The following BDNF variants were observed in gnomAD, a reference collection of about 807,000 sequenced individuals.
The protein encoded by BDNF is brain derived neurotrophic factor.
A neutral mutation model predicts 19.5 loss-of-function variants in BDNF; 1 was observed. That is an observed-to-expected ratio of 0.05 (90% CI 0.02 to 0.24). The LOEUF (loss-of-function observed/expected upper bound fraction) is 0.24. BDNF is among the 10% of genes least tolerant of loss of function. BDNF has a pLI of 1.00. For synonymous variants in BDNF, 100 were observed against 121.6 expected (o/e 0.82, Z 1.17); for missense variants, 195 against 317.6 (o/e 0.61, Z 2.93).
At chr11:27,701,657 G>T (rs1859903450), upstream of BDNF, 3 of 981,304 alleles carry the variant, frequency 3.1e-6, no homozygotes, top group South Asian at 4.7e-5. Flanking sequence ...AGGGCTCCAC[G>T]GTGCCTTGAC....
At chr11:27,683,305 A>C (rs1014959224) in intron 1 of BDNF, among the ~76,000 whole-genome samples, 2 of 152,096 alleles carry the variant, frequency 1.3e-5, no homozygotes, top group Admixed American at 1.3e-4. Flanking sequence ...TCTGGATATT[A>C]GCCTTTTGTC....
chr11:27,706,135 C>T (rs1308594535), intron 1 of BDNF, among the ~76,000 whole-genome samples: 2 of 152,058 alleles, frequency 1.3e-5, no homozygotes, highest in South Asian at 4.2e-4. Context: ...GGGCCCACCA[C>T]GGTTAATCAG....
At chr11:27,720,925 A>T in intron 1 of BDNF, 1 of 346,046 alleles carries the variant, frequency 2.9e-6, no homozygotes, top group Non-Finnish European at 4.2e-6. Context: ...TGCACTTCTG[A>T]CTTATTTCTC....
intron 1 of BDNF, chr11:27,659,629 C>A: frequency 2.0e-6 from 2 of 982,180 alleles, no homozygotes; most frequent in Non-Finnish European, 2.5e-6. Flanking sequence ...GATGTTCTCT[C>A]TGTGTGTGTG....
At chr11:27,699,853 G>A (rs944620992) in intron 1 of BDNF, among the ~76,000 whole-genome samples, 1 of 152,174 alleles carries the variant, frequency 6.6e-6, no homozygotes, top group African/African-American at 2.4e-5. Context: ...GGCTGGGGGA[G>A]GGCTGCGAGG....
intron 1 of BDNF, among the ~76,000 whole-genome samples, chr11:27,669,135 A>G (rs1854888655): frequency 6.6e-6 from 1 of 152,244 alleles, no homozygotes; most frequent in East Asian, 1.9e-4. Flanking sequence ...AATCCATCAT[A>G]TAAACAGAAT....
At chr11:27,704,469 A>G (rs1860031878), upstream of BDNF, among the ~76,000 whole-genome samples, 1 of 152,168 alleles carries the variant, frequency 6.6e-6, no homozygotes, top group African/African-American at 2.4e-5. Flanking sequence ...GCTGAGGTCA[A>G]TTCTATCACT....
At chr11:27,679,892 A>G (rs1011615131) in intron 1 of BDNF, among the ~76,000 whole-genome samples, 1 of 152,222 alleles carries the variant, frequency 6.6e-6, no homozygotes, top group African/African-American at 2.4e-5. Context: ...ACTCAGCTGT[A>G]GACCTTTACT....
chr11:27,675,006 G>A, intron 1 of BDNF: 1 of 698,544 alleles, frequency 1.4e-6, no homozygotes, highest in Non-Finnish European at 1.8e-6. Flanking sequence ...GAGGCCCAGA[G>A]AGTTTCGGTG....
intron 1 of BDNF, among the ~76,000 whole-genome samples, chr11:27,688,348 A>G (rs1471587948): frequency 6.6e-6 from 1 of 152,178 alleles, no homozygotes; most frequent in Non-Finnish European, 1.5e-5. Flanking sequence ...GCCGTGCTCC[A>G]TGGGGGTGGG....
At chr11:27,667,609 G>C (rs921077566) in intron 1 of BDNF, among the ~76,000 whole-genome samples, 5 of 152,076 alleles carry the variant, frequency 3.3e-5, no homozygotes, top group African/African-American at 1.2e-4. Context: ...AAAAGCAGGA[G>C]TTGCAATCCT....
chr11:27,676,669 T>C (rs1856161861), intron 1 of BDNF, among the ~76,000 whole-genome samples: 1 of 152,226 alleles, frequency 6.6e-6, no homozygotes, highest in South Asian at 2.1e-4. Flanking sequence ...CTTGGACAGT[T>C]TAAATTTATC....
intron 1 of BDNF, among the ~76,000 whole-genome samples, chr11:27,679,229 C>G (rs1856561695): frequency 6.6e-6 from 1 of 152,076 alleles, no homozygotes; most frequent in Non-Finnish European, 1.5e-5. Context: ...ATATAATGGT[C>G]AAATATAATG....
chr11:27,692,086 C>A (rs1036250295), intron 1 of BDNF, among the ~76,000 whole-genome samples: 1 of 151,984 alleles, frequency 6.6e-6, no homozygotes, highest in Admixed American at 6.6e-5. Flanking sequence ...TAAAATACAG[C>A]GCTTTGCAAA....
intron 1 of BDNF, among the ~76,000 whole-genome samples, chr11:27,661,642 C>A (rs1388155543): frequency 6.6e-6 from 1 of 152,186 alleles, no homozygotes; most frequent in Non-Finnish European, 1.5e-5. Flanking sequence ...CTGGCAATGG[C>A]ATTTTTGTTC....
At chr11:27,674,976 C>A in intron 1 of BDNF, 4 of 833,876 alleles carry the variant, frequency 4.8e-6, no homozygotes, top group Non-Finnish European at 5.8e-6. Context: ...GATTATCCAC[C>A]ATTTATAGCT....
At chr11:27,716,456 GACACACAC>G (rs61227267) in intron 1 of BDNF, among the ~76,000 whole-genome samples, 10 of 146,820 alleles carry the variant, frequency 6.8e-5, no homozygotes, top group Non-Finnish European at 1.3e-4. Context: ...CACACACACA[GACACACAC>G]ACACACACAC....
At chr11:27,700,937 G>A, upstream of BDNF, 1 of 1,348,088 alleles carries the variant, frequency 7.4e-7, no homozygotes, top group South Asian at 1.2e-5. Flanking sequence ...AGTTCTCTGG[G>A]AGAGGGCGTG....
In BDNF at chr11:27,658,628, C is replaced by T; in HGVS notation, c.-21-43G>A. On this transcript the variant is annotated intron_variant, in intron 1 of 1. Transcript: ENST00000356660. This position sits in a 1 kb window ranked among gnomAD's most constrained non-coding sequence, Gnocchi z 5.7. The stretch of plus-strand genomic sequence containing the variant: ...AAACAAGACAGAAAACTGGTTAGGG[C>T]TTTCTTTCACCGGGATGCCATGTGG... 2 of 1,614,024 alleles carry T rather than the reference C, an allele frequency of 1.2e-6. No individual in the cohort carries two copies. Among genetic ancestry groups the T allele is most frequent in the Non-Finnish European group, 8.5e-7 (1 of 1,180,012 alleles).
Sources: gnomAD v4.1 joint callset for allele counts (sites outside exome capture counted in the v4.1 genomes callset) on GRCh38, gnomAD v4.1.1 for gene constraint, Gnocchi (gnomAD v3.1) non-coding constraint, MANE v1.5 for transcripts, NCBI Gene and HGNC (gene_info 2026-07-23, HGNC 2026-07-21) for gene names.